Variants in PDE11A observed in about 807,000 individuals in gnomAD.
PDE11A encodes phosphodiesterase 11A.
In PDE11A, 100 loss-of-function variants were observed where a neutral mutation model predicts 100.5. The ratio of observed to expected loss-of-function variants is 1.00; its 90% CI spans 0.85 to 1.18. The LOEUF (loss-of-function observed/expected upper bound fraction) is 1.18. Ranked by LOEUF, PDE11A falls within the 50% of genes most tolerant of loss-of-function variation. The pLI is 0.00. For synonymous variants in PDE11A, 381 were observed against 420.8 expected, an observed-to-expected ratio of 0.91 and a Z score of 1.16; for missense variants, 1,141 against 1,152.6, an observed-to-expected ratio of 0.99 and a Z score of 0.15.
intron 5 of PDE11A, among the ~76,000 whole-genome samples, chr2:177,870,262 C>A (rs1291452096): frequency 1.3e-5 from 2 of 152,104 alleles, no homozygotes; most frequent in African/African-American, 4.8e-5. Context: ...TCACTAATAT[C>A]AAATTTACAC....
chr2:177,678,448 T>C (rs1315246780), intron 16 of PDE11A, among the ~76,000 whole-genome samples: 3 of 152,226 alleles, frequency 2.0e-5, no homozygotes, highest in Admixed American at 2.0e-4. Context: ...TATTTTTATC[T>C]TAACAGTAAC....
chr2:177,783,161 G>T (rs1460221464), intron 9 of PDE11A, among the ~76,000 whole-genome samples: 2 of 151,944 alleles, frequency 1.3e-5, no homozygotes, highest in African/African-American at 4.8e-5. Flanking sequence ...TTCTCATACA[G>T]AATCATTTCC....
intron 2 of PDE11A, among the ~76,000 whole-genome samples, chr2:177,995,651 C>CCT (rs974145161): frequency 2.0e-5 from 3 of 151,418 alleles, no homozygotes; most frequent in African/African-American, 4.8e-5. Flanking sequence ...ACACCACCCA[C>CCT]CCCGCATCTG....
intron 5 of PDE11A, among the ~76,000 whole-genome samples, chr2:177,860,209 A>G (rs1199490409): frequency 6.7e-6 from 1 of 150,120 alleles, no homozygotes; most frequent in East Asian, 1.9e-4. Context: ...GTAATCCTTT[A>G]GCTAGTTTTG....
Position 177,629,303 on chromosome 2 carries a change from G to A in PDE11A, c.*104C>T. 9.9e-7 allele frequency: 1 copy of A among 1,013,972 alleles called. No individual in the cohort carries two copies. The highest frequency in any genetic ancestry group is 1.6e-6 in the Non-Finnish European group (1 of 634,376). 62.8% of individuals were successfully genotyped at this position (1,013,972 alleles called of 1,614,324 possible). Reference sequence around the variant, plus strand: ...GGCATGCTTCCCAGTGCATCCTTGAGATGTTAGGTCTTTCTGAGCTAAAAG... The same window carrying A: ...GGCATGCTTCCCAGTGCATCCTTGAAATGTTAGGTCTTTCTGAGCTAAAAG... On this transcript the variant is annotated 3_prime_UTR_variant, in exon 20 of 20. Coordinates refer to ENST00000286063, the MANE Select transcript of PDE11A (RefSeq NM_016953.4).
chr2:177,656,284 C>T (rs1276559884), intron 19 of PDE11A, among the ~76,000 whole-genome samples: 2 of 152,274 alleles, frequency 1.3e-5, no homozygotes, highest in East Asian at 3.9e-4. Flanking sequence ...AAATATTTAC[C>T]ATTGTGATAC....
intron 9 of PDE11A, among the ~76,000 whole-genome samples, chr2:177,805,888 A>G (rs1225328062): frequency 6.6e-6 from 1 of 152,222 alleles, no homozygotes; most frequent in Admixed American, 6.5e-5. Context: ...GCTGTCAAAG[A>G]GTGAATGTGA....
At chr2:177,853,133 T>TG (rs1242424303) in intron 5 of PDE11A, among the ~76,000 whole-genome samples, 1 of 178 alleles carries the variant, frequency 5.6e-3, no homozygotes, top group Non-Finnish European at 0.011. Context: ...TAAATCTGGG[T>TG]GGTTTTTTTG....
chr2:177,992,084 T>G (rs2086011680), intron 2 of PDE11A, among the ~76,000 whole-genome samples: 1 of 151,340 alleles, frequency 6.6e-6, no homozygotes, highest in Non-Finnish European at 1.5e-5. Flanking sequence ...CTTTTTTTTC[T>G]AATTCTAAAA....
intron 5 of PDE11A, among the ~76,000 whole-genome samples, chr2:177,870,124 G>T (rs2084105384): frequency 6.6e-6 from 1 of 152,174 alleles, no homozygotes; most frequent in Admixed American, 6.5e-5. Flanking sequence ...TGTGTTAGGT[G>T]ACCCGTGTAG....
chr2:177,984,035 C>A (rs2085913893), intron 2 of PDE11A, among the ~76,000 whole-genome samples: 1 of 152,166 alleles, frequency 6.6e-6, no homozygotes, highest in African/African-American at 2.4e-5. Flanking sequence ...GTATTTCCTT[C>A]TATGAAATTT....
intron 2 of PDE11A, chr2:177,997,812 G>A (rs2086095760): frequency 1.5e-6 from 2 of 1,300,074 alleles, no homozygotes; most frequent in Admixed American, 3.4e-5. Context: ...CTTCTGGAGG[G>A]AGGGGCATGT....
intron 1 of PDE11A, among the ~76,000 whole-genome samples, chr2:178,069,561 A>G (rs753202121): frequency 2.0e-5 from 3 of 151,840 alleles, no homozygotes; most frequent in Admixed American, 6.6e-5. Flanking sequence ...TTTTGTGGCC[A>G]TCATTACTAC....
At chr2:177,762,950 T>C (rs189935482) in intron 10 of PDE11A, among the ~76,000 whole-genome samples, 36 of 152,284 alleles carry the variant, frequency 2.4e-4, no homozygotes, top group Non-Finnish European at 3.8e-4. Context: ...GTTCCCCTCA[T>C]GCTCAGCACC....
At chr2:178,035,122 A>T (rs2086595465) in intron 1 of PDE11A, among the ~76,000 whole-genome samples, 1 of 152,154 alleles carries the variant, frequency 6.6e-6, no homozygotes, top group African/African-American at 2.4e-5. Context: ...AAATAGATGG[A>T]CCACTAGTTA....
chr2:177,892,534 T>C (rs1025703134), intron 4 of PDE11A, among the ~76,000 whole-genome samples: 2 of 152,258 alleles, frequency 1.3e-5, no homozygotes, highest in African/African-American at 4.8e-5. Context: ...AGTCTGCTTA[T>C]TGGCAGAAGA....
intron 2 of PDE11A, among the ~76,000 whole-genome samples, chr2:177,927,648 A>AAT (rs1380142469): frequency 6.6e-6 from 1 of 152,204 alleles, no homozygotes; most frequent in Admixed American, 6.5e-5. Context: ...GGGACAATAA[A>AAT]ATAACTGTTT....
At chr2:177,894,484 C>T (rs1168205012) in intron 4 of PDE11A, among the ~76,000 whole-genome samples, 1 of 152,134 alleles carries the variant, frequency 6.6e-6, no homozygotes, top group African/African-American at 2.4e-5. Flanking sequence ...TCTAACTGAA[C>T]AGACCCCCTC....
At chr2:177,845,519 C>A (rs1372189081) in intron 5 of PDE11A, among the ~76,000 whole-genome samples, 1 of 150,958 alleles carries the variant, frequency 6.6e-6, no homozygotes, top group African/African-American at 2.4e-5. Context: ...GGATGGCGGC[C>A]GGGCGGAGAC....
Sources: allele counts gnomAD v4.1 joint callset (sites outside exome capture counted in the v4.1 genomes callset), GRCh38; gene constraint gnomAD v4.1.1; transcripts MANE v1.5; gene names NCBI Gene and HGNC (gene_info 2026-07-23, HGNC 2026-07-21).